COL26A1: variants seen among roughly 807,000 people sequenced by gnomAD.
COL26A1 encodes the protein collagen type XXVI alpha 1 chain.
In COL26A1, 41 loss-of-function variants were observed where a neutral mutation model predicts 59.3. The ratio of observed to expected loss-of-function variants is 0.69; its 90% CI spans 0.54 to 0.90. The LOEUF is 0.90. COL26A1 is among the 40% of genes least tolerant of loss of function. The pLI, the probability that COL26A1 is intolerant of heterozygous loss-of-function variation, is 0.00. For missense variants in COL26A1, 612 were observed against 602.3 expected, an observed-to-expected ratio of 1.02 and a Z score of -0.17; for synonymous variants, 266 against 256.0, an observed-to-expected ratio of 1.04 and a Z score of -0.37.
intron 3 of COL26A1, among the ~76,000 whole-genome samples, chr7:101,476,142 T>TTGTGTGTGTGTGTGTGTG (rs56666965): frequency 1.5e-4 from 22 of 146,342 alleles, no homozygotes; most frequent in African/African-American, 5.0e-4. Context: ...TCCCAGCTAA[T>TTGTGTGTGTGTGTGTGTG]TGTGTGTGTG....
At chr7:101,400,332 A>G (rs913590518) in intron 1 of COL26A1, among the ~76,000 whole-genome samples, 5 of 147,418 alleles carry the variant, frequency 3.4e-5, no homozygotes, top group Non-Finnish European at 7.4e-5. Flanking sequence ...CTCAGTCCAC[A>G]CTGCCTTTCT....
intron 2 of COL26A1, among the ~76,000 whole-genome samples, chr7:101,440,592 T>C (rs1273341830): frequency 1.3e-5 from 2 of 152,154 alleles, no homozygotes; most frequent in East Asian, 3.9e-4. Context: ...CACCTACTGG[T>C]GTGCCCCACG....
At chr7:101,369,625 A>ATT (rs1006887197) in intron 1 of COL26A1, among the ~76,000 whole-genome samples, 4 of 146,878 alleles carry the variant, frequency 2.7e-5, no homozygotes, top group African/African-American at 1.0e-4. Flanking sequence ...ATATTTTTGT[A>ATT]TTTTTTTTTA....
chr7:101,473,869 A>G (rs1452935596), intron 3 of COL26A1, among the ~76,000 whole-genome samples: 1 of 151,198 alleles, frequency 6.6e-6, no homozygotes, highest in African/African-American at 2.4e-5. Context: ...AAAAAAAAAG[A>G]TATTTCAAGC....
At chr7:101,543,324 T>C (rs533911253) in intron 5 of COL26A1, among the ~76,000 whole-genome samples, 4 of 152,068 alleles carry the variant, frequency 2.6e-5, no homozygotes, top group Admixed American at 1.3e-4. Context: ...CGTGCACCAC[T>C]ATGCCCGGTT....
intron 1 of COL26A1, among the ~76,000 whole-genome samples, chr7:101,373,597 C>T (rs1237411950): frequency 1.3e-5 from 2 of 152,138 alleles, no homozygotes; most frequent in African/African-American, 2.4e-5. Context: ...CCTCAGTGCA[C>T]GTTTGCAGTT....
intron 11 of COL26A1, among the ~76,000 whole-genome samples, chr7:101,553,830 G>A (rs976942554): frequency 1.3e-5 from 2 of 152,124 alleles, no homozygotes; most frequent in South Asian, 2.1e-4. Context: ...GATGGATGGA[G>A]GAAGAGGGAC....
rs531742819 is a variant in COL26A1 at position 101,370,080 on chromosome 7, C to G, written c.158+6890C>G. 1.4e-3 allele frequency among the ~76,000 whole-genome samples: 214 copies of G among 152,096 alleles called. 1 individual carries two copies. The highest frequency in any genetic ancestry group is 4.9e-3 in the African/African-American group (204 of 41,500). On this transcript the variant is annotated intron_variant, in intron 1 of 12. Transcript: ENST00000313669. ...TTCTCCATGTTGGTCAGGCTGGTCT[C>G]AAACTCCCGACTTCAGGTGATCCAC...
intron 1 of COL26A1, among the ~76,000 whole-genome samples, chr7:101,400,970 GT>G (rs1791983082): frequency 6.6e-6 from 1 of 152,214 alleles, no homozygotes; most frequent in South Asian, 2.1e-4. Context: ...TCAAGGGCCT[GT>G]GGTCTCTCTG....
At position 101,549,198 on chromosome 7, in the gene COL26A1, G is replaced by A. The variant is rs1271485743; in HGVS notation, c.968G>A (p.Gly323Glu). ...PGPPGPRGPP[G>E]PPGTPGSQGL... ...CCCCCTGGGCCTCGAGGTCCCCCAG[G>A]ACCCCCAGGAACACCTGGATCCCAG... Residue 323 changes from glycine to glutamate, a missense_variant, in exon 9 of 13, where the codon GGA becomes GAA. Gly to Glu is a moderately conservative substitution (Grantham distance 98, BLOSUM62 -2). Coordinates refer to ENST00000313669, the MANE Select transcript of COL26A1 (RefSeq NM_001278563.3). The A allele has an allele frequency of 1.9e-6, 3 of 1,605,604 alleles. No homozygotes were observed. Among genetic ancestry groups the A allele is most frequent in the Admixed American group, 1.7e-5 (1 of 58,986 alleles).
At chr7:101,470,337 G>A (rs974599697) in intron 3 of COL26A1, among the ~76,000 whole-genome samples, 15 of 151,882 alleles carry the variant, frequency 9.9e-5, no homozygotes, top group South Asian at 6.2e-4. Flanking sequence ...CAGGTGATCC[G>A]TCCACCTCGG....
intron 1 of COL26A1, among the ~76,000 whole-genome samples, chr7:101,381,870 A>T (rs908067945): frequency 2.6e-5 from 4 of 152,058 alleles, no homozygotes; most frequent in Admixed American, 2.6e-4. Flanking sequence ...ACACAAACGG[A>T]GATGAAAAGG....
intron 6 of COL26A1, among the ~76,000 whole-genome samples, 153 bp from the exon 7 acceptor site, chr7:101,545,185 C>G (rs1295945125): frequency 2.0e-5 from 3 of 152,200 alleles, no homozygotes; most frequent in Non-Finnish European, 4.4e-5. Context: ...CCAGGACACC[C>G]CCAAGGAAGA....
chr7:101,445,352 GT>G (rs1475883716), intron 2 of COL26A1, among the ~76,000 whole-genome samples: 1 of 152,028 alleles, frequency 6.6e-6, no homozygotes, highest in Non-Finnish European at 1.5e-5. Context: ...AGTTCTGCAG[GT>G]TTACAAGCAT....
chr7:101,363,871 G>A (rs1176611343), intron 1 of COL26A1, among the ~76,000 whole-genome samples: 1 of 152,108 alleles, frequency 6.6e-6, no homozygotes, highest in African/African-American at 2.4e-5. Flanking sequence ...TTCTCGGGTG[G>A]CCAAGGCCTC....
intron 2 of COL26A1, among the ~76,000 whole-genome samples, chr7:101,427,965 C>A (rs374164928): frequency 2.0e-5 from 3 of 152,158 alleles, no homozygotes; most frequent in Admixed American, 2.0e-4. Context: ...TCTCCTGGTT[C>A]CCCTCTTCCT....
chr7:101,486,324 C>G (rs1038452217), intron 3 of COL26A1, among the ~76,000 whole-genome samples: 1 of 152,168 alleles, frequency 6.6e-6, no homozygotes, highest in African/African-American at 2.4e-5. Context: ...CATTCCACGT[C>G]CCCCCCAACC....
intron 3 of COL26A1, among the ~76,000 whole-genome samples, chr7:101,460,615 T>G (rs1345304635): frequency 6.6e-6 from 1 of 151,976 alleles, no homozygotes; most frequent in Non-Finnish European, 1.5e-5. Context: ...AAATTGTCTC[T>G]ACTAAAAATA....
intron 3 of COL26A1, among the ~76,000 whole-genome samples, chr7:101,508,517 CA>C (rs58872805): frequency 0.18 from 23,193 of 127,418 alleles, 2,042 homozygotes; most frequent in South Asian, 0.22. Context: ...AAAACCCTGT[CA>C]AAAAAAAAAA....
Sources: gnomAD v4.1 joint callset for allele counts (sites outside exome capture counted in the v4.1 genomes callset) on GRCh38, gnomAD v4.1.1 for gene constraint, MANE v1.5 for transcripts, NCBI Gene and HGNC (gene_info 2026-07-23, HGNC 2026-07-21) for gene names.